Variants in ADH4 observed in about 807,000 individuals in gnomAD.
ADH4 encodes alcohol dehydrogenase 4 (class II), pi polypeptide, also known as all-trans-retinol dehydrogenase [NAD(+)] ADH4.
Under a neutral mutation model 35.2 loss-of-function variants are expected in ADH4, and 31 were observed. The ratio of observed to expected loss-of-function variants is 0.88; its 90% CI spans 0.66 to 1.19. The LOEUF (loss-of-function observed/expected upper bound fraction) is 1.19. Among genes scored for constraint, ADH4 ranks in the 50% most tolerant of loss-of-function variants. The pLI, the probability that ADH4 is intolerant of heterozygous loss-of-function variation, is 0.00. For missense variants in ADH4, 476 were observed against 458.3 expected, an observed-to-expected ratio of 1.04 and a Z score of -0.35; for synonymous variants, 171 against 160.2, an observed-to-expected ratio of 1.07 and a Z score of -0.51.
intron 5 of ADH4, among the ~76,000 whole-genome samples, chr4:99,132,222 G>A (rs142780393): frequency 7.2e-5 from 11 of 152,300 alleles, no homozygotes; most frequent in African/African-American, 2.6e-4. Context: ...TGCATGGCAT[G>A]AAAGCATTTT....
chr4:99,134,174 G>A (rs1400775160), intron 5 of ADH4, among the ~76,000 whole-genome samples: 2 of 152,128 alleles, frequency 1.3e-5, no homozygotes, highest in African/African-American at 4.8e-5. Context: ...CGAATAGGAG[G>A]ATGTTGGTCA....
Position 99,139,433 on chromosome 4 carries a change from A to G in ADH4, c.263-285T>C, listed in dbSNP as rs29001179. Among the ~76,000 whole-genome samples the G allele has an allele frequency of 3.6e-3, 550 of 152,346 alleles. 8 individuals carry two copies. Among genetic ancestry groups the G allele is most frequent in the East Asian group, 0.015 (78 of 5,188 alleles). On this transcript the variant is annotated intron_variant, in intron 3 of 8. Transcript: ENST00000265512. Reference sequence around the variant, plus strand: ...CTTTGCTGTCATTGTGACTCTCTGCATCATGACTATTGTTTATTACATTTC... The same window carrying G: ...CTTTGCTGTCATTGTGACTCTCTGCGTCATGACTATTGTTTATTACATTTC...
intron 6 of ADH4, among the ~76,000 whole-genome samples, chr4:99,130,803 A>G (rs1228161919): frequency 6.6e-6 from 1 of 152,184 alleles, no homozygotes; most frequent in Admixed American, 6.5e-5. Flanking sequence ...AAAACCCCTC[A>G]GGAAATTCTA....
chr4:99,124,563 C>G lies in ADH4; in HGVS notation c.1119-97G>C, dbSNP rs1359191316. 7 of 732,098 alleles carry G rather than the reference C, an allele frequency of 9.6e-6. No homozygotes were observed. The East Asian group carries it at 2.2e-4, about 23-fold the overall frequency. 45.4% of individuals were successfully genotyped at this position (732,098 alleles called of 1,614,324 possible). A position where few individuals can be genotyped will look rare whatever the true frequency, so the allele number is the denominator to read the frequency against. On this transcript the variant is annotated intron_variant, in intron 8 of 8. Coordinates refer to ENST00000265512, the MANE Select transcript of ADH4 (RefSeq NM_000670.5). ...TTGCCTTTTCATTTCAGGATCTGGT[C>G]TTCCTTTATAGACATTCACTTTATT...
In ADH4 at chr4:99,127,261, A is replaced by G; in HGVS notation, c.927T>C (p.Ile309=). 1 of 1,611,970 alleles carries G rather than the reference A, an allele frequency of 6.2e-7. No homozygotes were observed. The highest frequency in any genetic ancestry group is 1.7e-5 in the Admixed American group (1 of 59,866). ...GVAAGSKGLT[I]FPEELIIGRT... ...GGCCGATTATTAGCTCCTCTGGAAA[A>G]ATAGTCAATCCTTTGCTACCAGCAG... The change falls in exon 7 of 9, where the codon ATT becomes ATC. Residue 309 remains isoleucine (I), a synonymous_variant. Transcript: ENST00000265512.
At chr4:99,138,898 CAT>C (rs911598453) in intron 4 of ADH4, among the ~76,000 whole-genome samples, 161 bp downstream of exon 4, 14 of 152,182 alleles carry the variant, frequency 9.2e-5, no homozygotes, top group African/African-American at 1.4e-4. Flanking sequence ...CATTCCAGCA[CAT>C]GTTTCTTTGT....
chr4:99,141,602 A>G lies in ADH4; in HGVS notation c.201T>C (p.Val67=). ...CCACAATACCTGCAGCCTCATGGCCAACGATCACTGGGAAAGCTAGGCCCT... is the reference window on the plus strand; with the variant it reads ...CCACAATACCTGCAGCCTCATGGCCGACGATCACTGGGAAAGCTAGGCCCT... ...KFEGLAFPVI[V]GHEAAGIVES... The change falls in exon 3 of 9, where the codon GTT becomes GTC. Residue 67 remains valine (V), a synonymous_variant. Transcript: ENST00000265512. The G allele has an allele frequency of 6.2e-7, 1 of 1,614,178 alleles. No individual in the cohort carries two copies. The highest frequency in any genetic ancestry group is 8.5e-7 in the Non-Finnish European group (1 of 1,180,000).
At chr4:99,139,779 C>T (rs1729555907) in intron 3 of ADH4, among the ~76,000 whole-genome samples, 1 of 152,090 alleles carries the variant, frequency 6.6e-6, no homozygotes, top group South Asian at 2.1e-4. Context: ...CTATAGAAAA[C>T]AGAAATCTGA....
chr4:99,132,494 A>G (rs1415169477), intron 5 of ADH4, among the ~76,000 whole-genome samples: 1 of 145,528 alleles, frequency 6.9e-6, no homozygotes, highest in Non-Finnish European at 1.5e-5. Flanking sequence ...TTTATTATAT[A>G]ATTTATAACC....
intron 3 of ADH4, among the ~76,000 whole-genome samples, chr4:99,140,686 G>A (rs34118841): frequency 0.2 from 30,738 of 151,858 alleles, 3,911 homozygotes; most frequent in Non-Finnish European, 0.29. Flanking sequence ...TAGCCAACAT[G>A]GTGAAAACCC....
chr4:99,143,669 A>G (rs535064642), intron 1 of ADH4, among the ~76,000 whole-genome samples: 105 of 152,030 alleles, frequency 6.9e-4, no homozygotes, highest in Non-Finnish European at 1.2e-3. Context: ...GTTTTTGAAT[A>G]TTATTTATTT....
At chr4:99,138,367 A>T (rs1349695944) in intron 4 of ADH4, among the ~76,000 whole-genome samples, 1 of 152,204 alleles carries the variant, frequency 6.6e-6, no homozygotes, top group African/African-American at 2.4e-5. Context: ...AGCTTCTTAA[A>T]TAACTGCTTT....
chr4:99,139,730 C>T (rs759084884), intron 3 of ADH4, among the ~76,000 whole-genome samples: 1 of 152,144 alleles, frequency 6.6e-6, no homozygotes, highest in African/African-American at 2.4e-5. Context: ...ACTTAATTCT[C>T]AGAGCAACTC....
At chr4:99,138,675 T>G (rs7694844) in intron 4 of ADH4, among the ~76,000 whole-genome samples, 1 of 152,206 alleles carries the variant, frequency 6.6e-6, no homozygotes, top group Non-Finnish European at 1.5e-5. Context: ...TATGACACTT[T>G]ACTAAATATT....
chr4:99,126,430 G>T (rs1476833772), intron 8 of ADH4, among the ~76,000 whole-genome samples, 164 bp downstream of exon 8: 1 of 152,118 alleles, frequency 6.6e-6, no homozygotes, highest in Non-Finnish European at 1.5e-5. Context: ...GAAATGGAAG[G>T]TTTTCCCCTC....
chr4:99,124,257 A>G lies in ADH4; in HGVS notation c.*185T>C, dbSNP rs10097. On this transcript the variant is annotated 3_prime_UTR_variant, in exon 9 of 9. Coordinates refer to ENST00000265512, the MANE Select transcript of ADH4 (RefSeq NM_000670.5). ...ACACTAGTTATTATTATTATTTAAC[A>G]TAGGGAATATTCATATATATAACAG... 1,664 of 507,594 alleles carry G rather than the reference A, an allele frequency of 3.3e-3. 20 individuals are homozygous for G. Among genetic ancestry groups the G allele is most frequent in the African/African-American group, 0.031 (1,500 of 48,820 alleles). 31.4% of individuals were successfully genotyped at this position (507,594 alleles called of 1,614,324 possible). A position where few individuals can be genotyped will look rare whatever the true frequency, so the allele number is the denominator to read the frequency against.
intron 8 of ADH4, 106 bp downstream of exon 8, chr4:99,126,488 G>C (rs773109121): frequency 9.4e-5 from 111 of 1,178,102 alleles, no homozygotes; most frequent in Non-Finnish European, 1.3e-4. Flanking sequence ...TACCTGGGAT[G>C]TGGAAAATGT....
At chr4:99,127,678 A>C (rs1729142200) in intron 6 of ADH4, among the ~76,000 whole-genome samples, 1 of 151,742 alleles carries the variant, frequency 6.6e-6, no homozygotes, top group South Asian at 2.1e-4. Flanking sequence ...AAAATACAAA[A>C]ATTAGCTGGG....
At chr4:99,142,822 G>A (rs1049746838) in intron 1 of ADH4, 42 bp from the exon 2 acceptor site, 1 of 1,476,456 alleles carries the variant, frequency 6.8e-7, no homozygotes, top group South Asian at 1.3e-5. Flanking sequence ...TAGAGATAGA[G>A]ATTTTGACAG....
Sources: allele counts gnomAD v4.1 joint callset (sites outside exome capture counted in the v4.1 genomes callset), GRCh38; gene constraint gnomAD v4.1.1; transcripts MANE v1.5; gene names NCBI Gene and HGNC (gene_info 2026-07-23, HGNC 2026-07-21).